The following MYO5C variants were observed in gnomAD, a reference collection of about 807,000 sequenced individuals.
MYO5C encodes myosin VC.
MYO5C carries 194 observed loss-of-function variants against 235.7 expected under a neutral mutation model. The observed-to-expected ratio is 0.82, with a 90% CI of 0.73 to 0.93. The LOEUF (loss-of-function observed/expected upper bound fraction) is 0.93, where lower values mean the gene tolerates loss of function less well. Ranked by LOEUF, MYO5C falls within the 40% of genes least tolerant of loss-of-function variation. MYO5C has a pLI of 0.00. For missense variants in MYO5C, 2,038 were observed against 2,127.2 expected, an observed-to-expected ratio of 0.96 and a Z score of 0.82; for synonymous variants, 707 against 754.8, an observed-to-expected ratio of 0.94 and a Z score of 1.04.
At chr15:52,286,359 G>A (rs1480079410) in intron 1 of MYO5C, among the ~76,000 whole-genome samples, 10 of 148,572 alleles carry the variant, frequency 6.7e-5, no homozygotes, top group Non-Finnish European at 4.5e-5. Flanking sequence ...CCGTCCGGGA[G>A]GTGAGGGGCG....
intron 28 of MYO5C, among the ~76,000 whole-genome samples, chr15:52,224,176 G>C (rs1184184183): frequency 6.6e-6 from 1 of 152,132 alleles, no homozygotes; most frequent in African/African-American, 2.4e-5. Context: ...CCAGCTACTT[G>C]GGAGGCTGAG....
At chr15:52,285,482 T>C (rs2037245349) in intron 1 of MYO5C, among the ~76,000 whole-genome samples, 1 of 147,626 alleles carries the variant, frequency 6.8e-6, no homozygotes, top group African/African-American at 2.5e-5. Context: ...CTCCCTCCTC[T>C]CCCTCCTCTC....
chr15:52,270,012 A>T, intron 7 of MYO5C, 152 bp from the exon 8 acceptor site: 1 of 550,802 alleles, frequency 1.8e-6, no homozygotes. Context: ...CATTACAGCC[A>T]GGTGTGGAGG....
Position 52,266,985 on chromosome 15 carries a change from T to C in MYO5C, c.941-2689A>G, listed in dbSNP as rs1355906596. Among the ~76,000 whole-genome samples, 10 of 152,202 alleles carry C rather than the reference T, an allele frequency of 6.6e-5. No individual in the cohort carries two copies. The East Asian group carries it at 1.9e-3, about 29-fold the overall frequency. On this transcript the variant is annotated intron_variant, in intron 8 of 40. Coordinates refer to ENST00000261839, the MANE Select transcript of MYO5C (RefSeq NM_018728.4). ...ACCTCTCCACAAAACTCCAGAGGGC[T>C]TTGTCTAAAACTTCTAAGTCTGTGC...
chr15:52,241,915 C>T, intron 20 of MYO5C, 133 bp downstream of exon 20: 2 of 1,038,712 alleles, frequency 1.9e-6, no homozygotes, highest in Non-Finnish European at 2.8e-6. Flanking sequence ...CTGGAAGAAT[C>T]TCCTTTCTGG....
At chr15:52,221,864 C>T (rs1213393234) in intron 29 of MYO5C, among the ~76,000 whole-genome samples, 1 of 152,140 alleles carries the variant, frequency 6.6e-6, no homozygotes, top group Admixed American at 6.5e-5. Flanking sequence ...ATGAAGAATA[C>T]AGACAGCCCC....
chr15:52,208,691 C>T, intron 35 of MYO5C, 48 bp from the exon 36 acceptor site: 1 of 1,517,332 alleles, frequency 6.6e-7, no homozygotes, highest in South Asian at 1.1e-5. Flanking sequence ...ATTACTTGTA[C>T]CTCTGAGCAT....
chr15:52,213,328 G>T, intron 33 of MYO5C, 42 bp from the exon 34 acceptor site: 1 of 1,430,030 alleles, frequency 7.0e-7, no homozygotes, highest in Non-Finnish European at 9.9e-7. Flanking sequence ...CACAAAAGCA[G>T]CTTTCACAGG....
At chr15:52,218,054 A>T (rs563287631) in intron 32 of MYO5C, among the ~76,000 whole-genome samples, 2 of 152,356 alleles carry the variant, frequency 1.3e-5, no homozygotes, top group African/African-American at 2.4e-5. Flanking sequence ...AAACACTTTT[A>T]AAAAGTTTTT....
At chr15:52,258,111 T>C (rs561697118) in intron 10 of MYO5C, among the ~76,000 whole-genome samples, 1 of 152,268 alleles carries the variant, frequency 6.6e-6, no homozygotes, top group East Asian at 1.9e-4. Context: ...TTCTAGAACC[T>C]GGCAAAATGT....
At chr15:52,225,715 A>C (rs1173616675) in intron 25 of MYO5C, among the ~76,000 whole-genome samples, 183 bp from the exon 26 acceptor site, 3 of 152,206 alleles carry the variant, frequency 2.0e-5, no homozygotes, top group African/African-American at 7.2e-5. Context: ...AGCATGCTTA[A>C]CTACTCAAAA....
intron 23 of MYO5C, among the ~76,000 whole-genome samples, chr15:52,234,124 TA>T (rs2036027484): frequency 6.6e-6 from 1 of 152,262 alleles, no homozygotes; most frequent in East Asian, 1.9e-4. Flanking sequence ...CTTACCATCT[TA>T]GGCCATTTGC....
At chr15:52,236,088 A>G (rs1462851238) in intron 22 of MYO5C, among the ~76,000 whole-genome samples, 1 of 152,230 alleles carries the variant, frequency 6.6e-6, no homozygotes, top group Admixed American at 6.5e-5. Flanking sequence ...AGGGGACTTT[A>G]TATGTCGAAT....
chr15:52,208,487 TCTGGCTCAGGAGGAGGTTATAGA>T, intron 36 of MYO5C, 44 bp downstream of exon 36: 1 of 1,447,174 alleles, frequency 6.9e-7, no homozygotes, highest in South Asian at 1.2e-5. Context: ...TCTATTGAGC[TCTGGCTCAGGAGGAGGTTATAGA>T]CTGGCTGTCA....
Position 52,218,685 on chromosome 15 carries a change from G to T in MYO5C, c.3788C>A (p.Ala1263Asp), listed in dbSNP as rs886531154. Residue 1263 changes from alanine to aspartate, a missense_variant and splice_region_variant, in exon 32 of 41, where the codon GCC becomes GAC. Physicochemically the swap from Ala to Asp is moderately radical, Grantham distance 126 (BLOSUM62 -2). Coordinates refer to ENST00000261839, the MANE Select transcript of MYO5C (RefSeq NM_018728.4). ...SQEEEGTQRK[A>D]LEAQNEIHTK... ...ATGTATTTCATTTTGGGCTTCCAAG[G>T]CCCTGAGAAAGGGAGGGAGGAATGG... 3 of 1,614,046 alleles carry T rather than the reference G, an allele frequency of 1.9e-6. No homozygotes were observed. Among genetic ancestry groups the T allele is most frequent in the Non-Finnish European group, 2.5e-6 (3 of 1,179,984 alleles).
chr15:52,281,050 T>C (rs1223104937), intron 2 of MYO5C, among the ~76,000 whole-genome samples: 1 of 152,186 alleles, frequency 6.6e-6, no homozygotes, highest in East Asian at 1.9e-4. Context: ...AACCTAAACA[T>C]TTTTGAAAAT....
chr15:52,265,298 C>T (rs79704026), intron 8 of MYO5C: 6,949 of 152,264 alleles, frequency 0.046, 206 homozygotes, highest in Middle Eastern at 0.088. Flanking sequence ...TAGACCCACA[C>T]GCTGTGAGCC....
At chr15:52,209,963 A>C (rs76734578) in intron 35 of MYO5C, among the ~76,000 whole-genome samples, 1 of 151,928 alleles carries the variant, frequency 6.6e-6, no homozygotes, top group Non-Finnish European at 1.5e-5. Context: ...TTAATTAATT[A>C]ATTAATTTAT....
chr15:52,223,525 C>T lies in MYO5C; in HGVS notation c.3627+19G>A. On this transcript the variant is annotated intron_variant, in intron 29 of 40. Coordinates refer to ENST00000261839, the MANE Select transcript of MYO5C (RefSeq NM_018728.4). ...TCTAGTATGATGGCCACGACTGGGG[C>T]CCCTGGCTGAGACCATACCATGTTC... 6.2e-7 allele frequency: 1 copy of T among 1,603,702 alleles called. No homozygotes were observed. Among genetic ancestry groups the T allele is most frequent in the South Asian group, 1.1e-5 (1 of 89,424 alleles).
Sources: gnomAD v4.1 joint callset for allele counts (sites outside exome capture counted in the v4.1 genomes callset) on GRCh38, gnomAD v4.1.1 for gene constraint, MANE v1.5 for transcripts, NCBI Gene and HGNC (gene_info 2026-07-23, HGNC 2026-07-21) for gene names.